Variants in NBPF20 observed in about 807,000 individuals in gnomAD.
The protein encoded by NBPF20 is NBPF family member NBPF20.
In NBPF20, 90 loss-of-function variants were observed where a neutral mutation model predicts 68.1. That is an observed-to-expected ratio of 1.32 (90% CI 1.11 to 1.58). The LOEUF is 1.58. NBPF20 is among the 40% of genes most tolerant of loss of function. NBPF20 has a pLI of 0.00. For missense variants in NBPF20, 816 were observed against 601.2 expected, an observed-to-expected ratio of 1.36 and a Z score of -3.74; for synonymous variants, 290 against 228.1, an observed-to-expected ratio of 1.27 and a Z score of -2.45.
At chr1:145,410,867 C>T in the NBPF20 span, among the ~76,000 whole-genome samples, 9 of 127,146 alleles carry the variant, frequency 7.1e-5, no homozygotes, top group South Asian at 2.4e-4. Flanking sequence ...ATCTTCAAAA[C>T]GGTGAATATA....
chr1:145,422,244 GATAA>G, the NBPF20 span, among the ~76,000 whole-genome samples: 14 of 151,530 alleles, frequency 9.2e-5, no homozygotes, highest in South Asian at 2.1e-4. Flanking sequence ...ACTGTAAAAA[GATAA>G]ATAAATAAAG....
chr1:145,405,765 A>C (rs370201311), upstream of NBPF20: 910 of 411,108 alleles, frequency 2.2e-3, no homozygotes, highest in Non-Finnish European at 2.8e-3. Flanking sequence ...GTCTTTCCCA[A>C]TACATCTAAG....
the NBPF20 span, among the ~76,000 whole-genome samples, chr1:145,417,447 A>G: frequency 1.5e-5 from 2 of 137,236 alleles, no homozygotes; most frequent in Non-Finnish European, 3.2e-5. Flanking sequence ...TCTACTAATG[A>G]AAAAAAAATT....
chr1:145,393,721 C>A (rs1400210203), intron 9 of NBPF20, 163 bp downstream of exon 14: 2 of 1,499,274 alleles, frequency 1.3e-6, no homozygotes, highest in Non-Finnish European at 1.8e-6. Flanking sequence ...GAAATGGAAA[C>A]CTAAACATGT....
chr1:145,411,141 T>G, the NBPF20 span, among the ~76,000 whole-genome samples: 1 of 145,842 alleles, frequency 6.9e-6, no homozygotes, highest in Non-Finnish European at 1.5e-5. Context: ...ATCATTGACA[T>G]TACCATATAA....
intron 2 of NBPF20, among the ~76,000 whole-genome samples, chr1:145,404,781 A>C (rs1553666569): frequency 1.3e-5 from 2 of 151,882 alleles, no homozygotes; most frequent in African/African-American, 4.9e-5. Flanking sequence ...ATTTGTCTGC[A>C]GGATCTTATA....
chr1:145,409,575 C>T (rs1396011701), upstream of NBPF20, among the ~76,000 whole-genome samples: 3 of 144,330 alleles, frequency 2.1e-5, no homozygotes, highest in Admixed American at 1.4e-4. Flanking sequence ...TAGTATTAAA[C>T]GAGTTTTATT....
chr1:145,292,717 A>G (rs1174785299), intron 136 of NBPF20, among the ~76,000 whole-genome samples: 1 of 141,010 alleles, frequency 7.1e-6, no homozygotes, highest in South Asian at 2.2e-4. Context: ...CGTTATCCCA[A>G]TATCATTTGT....
chr1:145,400,959 T>C, intron 5 of NBPF20, 100 bp downstream of exon 10: 10 of 1,421,900 alleles, frequency 7.0e-6, no homozygotes, highest in East Asian at 2.3e-5. Context: ...GCCAAGCAAA[T>C]GTGGGTTTTT....
At chr1:145,411,385 TC>T in the NBPF20 span, among the ~76,000 whole-genome samples, 70 of 146,200 alleles carry the variant, frequency 4.8e-4, no homozygotes, top group Admixed American at 1.2e-3. Flanking sequence ...TTGTTGACTT[TC>T]CTTTTTTTTT....
chr1:145,415,229 A>C, the NBPF20 span, among the ~76,000 whole-genome samples: 1 of 151,708 alleles, frequency 6.6e-6, no homozygotes, highest in African/African-American at 2.4e-5. Context: ...CTTAAAGAGC[A>C]GTATTGCTGC....
rs1662468175 is a variant in NBPF20 at position 145,400,467 on chromosome 1, C to T, written c.694G>A (p.Glu232Lys). ...AGAGTTGAGTCGACTTTGTCTTCCT[C>T]AAATGTGATTTTGGTTTTCCTATGT... Residue 232 changes from glutamate (E) to lysine (K), a missense_variant, in exon 6 of 138, where the codon GAG becomes AAG. Coordinates refer to ENST00000369373, the Ensembl canonical transcript of NBPF20. 6 of 1,613,030 alleles carry T rather than the reference C, an allele frequency of 3.7e-6. No homozygotes were observed. In the African/African-American group the frequency reaches 4.0e-5, roughly 11 times the overall value.
At chr1:145,410,242 T>C (rs1172032105), upstream of NBPF20, among the ~76,000 whole-genome samples, 1 of 152,000 alleles carries the variant, frequency 6.6e-6, no homozygotes, top group African/African-American at 2.4e-5. Flanking sequence ...TATCTCATTG[T>C]TGCACTGATT....
chr1:145,390,255 C>A lies in NBPF20; in HGVS notation c.1494-139G>T, dbSNP rs1571357556. On this transcript the variant is annotated intron_variant, in intron 13 of 137. Coordinates refer to ENST00000369373, the Ensembl canonical transcript of NBPF20. ...CCATTAATGAGGTAACAAATTATTG[C>A]CTTCATGTTGGGACAGAACAGGGCC... 6.3e-5 allele frequency: 10 copies of A among 159,120 alleles called. No individual in the cohort carries two copies. The East Asian group carries it at 1.5e-3, about 24-fold the overall frequency. The allele number at this position is 159,120 out of a possible 1,614,324, so 9.9% of individuals were successfully genotyped here.
chr1:145,292,327 T>C, intron 137 of NBPF20, 54 bp downstream of exon 142: 8 of 637,706 alleles, frequency 1.3e-5, no homozygotes. Context: ...TCCCTGAATC[T>C]GTTGCCTCCA....
At chr1:145,403,258 T>C (rs1242401537) in exon 3 of NBPF20, 140 of 1,612,334 alleles carry the variant, frequency 8.7e-5, no homozygotes, top group Middle Eastern at 4.1e-4. Context: ...AAGCTTCTCC[T>C]CCTTGAACTG....
At chr1:145,401,193 C>G in intron 4 of NBPF20, 62 bp from the exon 10 acceptor site, 2 of 1,427,242 alleles carry the variant, frequency 1.4e-6, no homozygotes, top group Non-Finnish European at 2.0e-6. Context: ...GCACAGTCAG[C>G]CCAATGTGCA....
upstream of NBPF20, among the ~76,000 whole-genome samples, chr1:145,410,354 G>A (rs1355368227): frequency 4.8e-5 from 7 of 145,074 alleles, no homozygotes; most frequent in South Asian, 4.3e-4. Flanking sequence ...TCGCTCTGTC[G>A]CCCAGGCTGG....
At chr1:145,405,352 A>C in intron 1 of NBPF20, 45 bp from the exon 7 acceptor site, 2 of 1,487,084 alleles carry the variant, frequency 1.3e-6, no homozygotes, top group East Asian at 4.5e-5. Context: ...AAAACTGGTG[A>C]AATCAAATAG....
Sources: allele counts gnomAD v4.1 joint callset (sites outside exome capture counted in the v4.1 genomes callset), GRCh38; gene constraint gnomAD v4.1.1; transcripts MANE v1.5; gene names NCBI Gene and HGNC (gene_info 2026-07-23, HGNC 2026-07-21).